LARP4B: variants seen among roughly 807,000 people sequenced by gnomAD.
The protein encoded by LARP4B is la-related protein 4B.
LARP4B carries 12 observed loss-of-function variants against 89.8 expected under a neutral mutation model. The observed-to-expected ratio is 0.13, with a 90% CI of 0.09 to 0.22. The LOEUF (loss-of-function observed/expected upper bound fraction) is 0.22, where lower values mean the gene tolerates loss of function less well. Among genes scored for constraint, LARP4B ranks in the 10% least tolerant of loss-of-function variants. LARP4B has a pLI of 1.00. For synonymous variants in LARP4B, 367 were observed against 363.3 expected, an observed-to-expected ratio of 1.01 and a Z score of -0.12; for missense variants, 757 against 947.7, an observed-to-expected ratio of 0.80 and a Z score of 2.64.
chr10:982,773 A>C, the LARP4B span, among the ~76,000 whole-genome samples: 1 of 152,236 alleles, frequency 6.6e-6, no homozygotes, highest in African/African-American at 2.4e-5. Context: ...TAAAATAAAA[A>C]AGTGGTCTGC....
At chr10:843,154 G>T in intron 6 of LARP4B, 86 bp from the exon 7 acceptor site, 1 of 1,176,412 alleles carries the variant, frequency 8.5e-7, no homozygotes, top group Non-Finnish European at 1.2e-6. Flanking sequence ...CAAGAGGCGT[G>T]AGTGTGGCAT....
intron 1 of LARP4B, among the ~76,000 whole-genome samples, chr10:909,507 G>A (rs55768175): frequency 0.013 from 1,934 of 152,024 alleles, 57 homozygotes; most frequent in African/African-American, 0.044. Flanking sequence ...AAAAGAGACC[G>A]GGCTCTGTGG....
At chr10:936,364 C>T (rs779552087), upstream of LARP4B, among the ~76,000 whole-genome samples, 53 of 152,050 alleles carry the variant, frequency 3.5e-4, no homozygotes, top group Non-Finnish European at 6.5e-4. Context: ...TAAGCCGGGG[C>T]CAGAGACAAA....
At chr10:845,422 G>GA (rs1833726837) in intron 5 of LARP4B, among the ~76,000 whole-genome samples, 1 of 152,104 alleles carries the variant, frequency 6.6e-6, no homozygotes, top group African/African-American at 2.4e-5. Context: ...AAATACAGAG[G>GA]AAAAAATTAA....
chr10:982,546 G>A, the LARP4B span, among the ~76,000 whole-genome samples: 1 of 152,118 alleles, frequency 6.6e-6, no homozygotes, highest in Non-Finnish European at 1.5e-5. Flanking sequence ...CATATAGCAG[G>A]CAATAACATA....
the LARP4B span, among the ~76,000 whole-genome samples, chr10:953,904 T>C: frequency 1.1e-4 from 16 of 152,358 alleles, no homozygotes; most frequent in African/African-American, 3.8e-4. Context: ...GAAGAATCCC[T>C]GAGCAAGCTC....
intron 1 of LARP4B, among the ~76,000 whole-genome samples, chr10:921,779 C>T (rs185736477): frequency 5.0e-4 from 76 of 152,280 alleles, no homozygotes; most frequent in Admixed American, 1.5e-3. Context: ...CTCTCCTGTA[C>T]TGAGCCCTAA....
At chr10:860,187 T>C (rs1834527100) in intron 5 of LARP4B, among the ~76,000 whole-genome samples, 1 of 151,960 alleles carries the variant, frequency 6.6e-6, no homozygotes, top group South Asian at 2.1e-4. Context: ...GCTGTGAACC[T>C]GAAAGTGCTC....
intron 1 of LARP4B, among the ~76,000 whole-genome samples, chr10:925,858 T>A (rs1281736831): frequency 6.6e-6 from 1 of 152,212 alleles, no homozygotes; most frequent in Non-Finnish European, 1.5e-5. Context: ...TTTTAAAGAC[T>A]GAGAAACAGT....
intron 1 of LARP4B, among the ~76,000 whole-genome samples, chr10:913,514 T>C (rs895009172): frequency 1.3e-5 from 2 of 152,260 alleles, no homozygotes; most frequent in Non-Finnish European, 2.9e-5. Context: ...AAAGGAGCTA[T>C]GTCTTCTCAT....
At chr10:912,883 G>T (rs776036335) in intron 1 of LARP4B, among the ~76,000 whole-genome samples, 4 of 151,970 alleles carry the variant, frequency 2.6e-5, no homozygotes, top group African/African-American at 7.3e-5. Flanking sequence ...CACAAAATAT[G>T]ACTTTCTGAC....
upstream of LARP4B, among the ~76,000 whole-genome samples, chr10:933,774 A>C (rs892295953): frequency 5.3e-5 from 8 of 151,848 alleles, no homozygotes; most frequent in African/African-American, 1.7e-4. Context: ...GGTTCATAAC[A>C]TTGCTAGGGC....
At chr10:916,908 G>C (rs149956281) in intron 1 of LARP4B, among the ~76,000 whole-genome samples, 1 of 152,134 alleles carries the variant, frequency 6.6e-6, no homozygotes, top group South Asian at 2.1e-4. Flanking sequence ...ATGTTGGCCA[G>C]GCTGGTCTTG....
the LARP4B span, chr10:972,795 A>T: frequency 1.5e-5 from 7 of 456,714 alleles, no homozygotes; most frequent in Non-Finnish European, 2.6e-5. Flanking sequence ...AGCCCCAGGT[A>T]GCCGCATTCT....
At chr10:880,344 G>C (rs1835619273) in intron 3 of LARP4B, among the ~76,000 whole-genome samples, 1 of 152,116 alleles carries the variant, frequency 6.6e-6, no homozygotes, top group Non-Finnish European at 1.5e-5. Flanking sequence ...AACTGATAAA[G>C]GAAGGGACTA....
At chr10:950,623 G>A in the LARP4B span, among the ~76,000 whole-genome samples, 25 of 152,144 alleles carry the variant, frequency 1.6e-4, no homozygotes, top group African/African-American at 5.8e-4. Context: ...TCTTCCAATC[G>A]ATGAACACCC....
intron 1 of LARP4B, among the ~76,000 whole-genome samples, chr10:908,850 G>A (rs1438800113): frequency 6.6e-6 from 1 of 152,072 alleles, no homozygotes; most frequent in African/African-American, 2.4e-5. Context: ...AAGGAGTGCA[G>A]GCTGCAGCAC....
intron 8 of LARP4B, among the ~76,000 whole-genome samples, chr10:835,976 G>A (rs1004615995): frequency 6.6e-6 from 1 of 151,916 alleles, no homozygotes; most frequent in Admixed American, 6.6e-5. Context: ...AGTTCTCTAA[G>A]AGTGGCCGTG....
chr10:966,521 G>A, the LARP4B span, among the ~76,000 whole-genome samples: 9 of 152,358 alleles, frequency 5.9e-5, no homozygotes, highest in East Asian at 5.8e-4. Context: ...AAGAGGAGCC[G>A]TGGGAGCTGG....
Sources: gnomAD v4.1 joint callset for allele counts (sites outside exome capture counted in the v4.1 genomes callset) on GRCh38, gnomAD v4.1.1 for gene constraint, MANE v1.5 for transcripts, NCBI Gene and HGNC (gene_info 2026-07-23, HGNC 2026-07-21) for gene names.